ITGA9: variants seen among roughly 807,000 people sequenced by gnomAD.
The protein encoded by ITGA9 is integrin subunit alpha 9.
In ITGA9, 56 loss-of-function variants were observed where a neutral mutation model predicts 127.8. The observed-to-expected ratio is 0.44, with a 90% CI of 0.35 to 0.55. The LOEUF is 0.55. Ranked by LOEUF, ITGA9 falls within the 20% of genes least tolerant of loss-of-function variation. The probability of loss-of-function intolerance (pLI) is 0.00; values close to 1 mark genes in which losing one functional copy is unlikely to be tolerated. For synonymous variants in ITGA9, 508 were observed against 514.5 expected, an observed-to-expected ratio of 0.99 and a Z score of 0.17; for missense variants, 1,196 against 1,347.1, an observed-to-expected ratio of 0.89 and a Z score of 1.76.
At chr3:37,560,997 C>T (rs889472789) in intron 15 of ITGA9, among the ~76,000 whole-genome samples, 3 of 152,042 alleles carry the variant, frequency 2.0e-5, no homozygotes, top group Admixed American at 2.0e-4. Context: ...TTCTGTGTGT[C>T]CACATTTCCT....
At position 37,494,019 on chromosome 3, in the gene ITGA9, C is replaced by T. The variant is rs144549429; in HGVS notation, c.545-482C>T. On this transcript the variant is annotated intron_variant, in intron 4 of 27. Coordinates refer to ENST00000264741, the MANE Select transcript of ITGA9 (RefSeq NM_002207.3). Reference sequence around the variant, plus strand: ...ATGCCAGAGCAGTCCCTTCTTCTTGCGGTCCTCTGTGGACGGCTTGTTTCT... The same window carrying T: ...ATGCCAGAGCAGTCCCTTCTTCTTGTGGTCCTCTGTGGACGGCTTGTTTCT... Among the ~76,000 whole-genome samples, 676 of 152,266 alleles carry T rather than the reference C, an allele frequency of 4.4e-3. 2 individuals carry two copies. The highest frequency in any genetic ancestry group is 0.031 in the Middle Eastern group (9 of 294).
At position 37,799,568 on chromosome 3, in the gene ITGA9, G is replaced by T. The variant is rs1697212149; in HGVS notation, c.2890-4255G>T. On this transcript the variant is annotated intron_variant, in intron 26 of 27. Coordinates refer to ENST00000264741, the MANE Select transcript of ITGA9 (RefSeq NM_002207.3). This position sits in a 1 kb window ranked among gnomAD's most constrained non-coding sequence, Gnocchi z 4.0. ...TATGTGTCCTGGGAGCAGCTGGAAA[G>T]GCAGGAAGGAGACCAGAGTATGAAG... Among the ~76,000 whole-genome samples the T allele has an allele frequency of 6.6e-6, 1 of 152,204 alleles. No homozygotes were observed. Among genetic ancestry groups the T allele is most frequent in the African/African-American group, 2.4e-5 (1 of 41,442 alleles).
At chr3:37,643,596 G>A (rs1358456055) in intron 16 of ITGA9, among the ~76,000 whole-genome samples, 1 of 152,120 alleles carries the variant, frequency 6.6e-6, no homozygotes, top group African/African-American at 2.4e-5. Context: ...CAAGCTTATT[G>A]AGTTTTCTTC....
At chr3:37,722,142 GACACTCT>G (rs754150516) in intron 18 of ITGA9, among the ~76,000 whole-genome samples, 6 of 112,652 alleles carry the variant, frequency 5.3e-5, no homozygotes, top group Non-Finnish European at 1.2e-4. Flanking sequence ...TTCTGCCAGG[GACACTCT>G]TCACTCTCCC....
intron 27 of ITGA9, chr3:37,807,721 T>C (rs1697315305): frequency 6.6e-6 from 1 of 152,206 alleles, no homozygotes; most frequent in Admixed American, 6.6e-5. Flanking sequence ...CACCAGGTGG[T>C]AGAGCAAGAC....
chr3:37,720,648 C>T (rs529027829), intron 18 of ITGA9, among the ~76,000 whole-genome samples: 2 of 152,172 alleles, frequency 1.3e-5, no homozygotes, highest in Non-Finnish European at 2.9e-5. Context: ...ACTTCTTAGG[C>T]TTCAGAAGGG....
chr3:37,772,389 CAG>C (rs745674017), intron 23 of ITGA9, among the ~76,000 whole-genome samples: 2 of 151,524 alleles, frequency 1.3e-5, no homozygotes, highest in Non-Finnish European at 2.9e-5. Flanking sequence ...GCCTGGGTAA[CAG>C]AGCAAGACTC....
intron 15 of ITGA9, among the ~76,000 whole-genome samples, chr3:37,578,796 A>G (rs1699677546): frequency 6.6e-6 from 1 of 151,308 alleles, no homozygotes; most frequent in Admixed American, 6.6e-5. Context: ...CAAGAGGGCT[A>G]CAGGGAAAAC....
chr3:37,626,712 G>C (rs183773363), intron 15 of ITGA9, among the ~76,000 whole-genome samples: 6 of 152,260 alleles, frequency 3.9e-5, no homozygotes, highest in Non-Finnish European at 5.9e-5. Context: ...TAATCTGCCA[G>C]CTCAGGTATT....
At chr3:37,609,452 C>A (rs1559548433) in intron 15 of ITGA9, among the ~76,000 whole-genome samples, 1 of 152,216 alleles carries the variant, frequency 6.6e-6, no homozygotes, top group Non-Finnish European at 1.5e-5. Flanking sequence ...TATTGAATGA[C>A]TGAAGTAGAG....
At chr3:37,808,483 G>A (rs777023326) in intron 27 of ITGA9, 2 of 152,192 alleles carry the variant, frequency 1.3e-5, no homozygotes, top group Non-Finnish European at 2.9e-5. Flanking sequence ...AAAGGAGTTC[G>A]CTCCTGCAGG....
chr3:37,683,212 C>T (rs1473881935), intron 17 of ITGA9, among the ~76,000 whole-genome samples: 2 of 152,192 alleles, frequency 1.3e-5, no homozygotes, highest in Non-Finnish European at 2.9e-5. Flanking sequence ...CAGGCACACG[C>T]CCACCTCAGG....
intron 16 of ITGA9, among the ~76,000 whole-genome samples, chr3:37,636,883 A>G (rs1336258471): frequency 7.2e-5 from 11 of 151,924 alleles, no homozygotes; most frequent in Admixed American, 3.3e-4. Flanking sequence ...CATTTATTAA[A>G]TAGGGAATCC....
chr3:37,547,307 A>G (rs1354301279), intron 15 of ITGA9, among the ~76,000 whole-genome samples: 1 of 152,212 alleles, frequency 6.6e-6, no homozygotes, highest in Non-Finnish European at 1.5e-5. Flanking sequence ...GGAACTTTGA[A>G]ACCTAAGTGG....
At chr3:37,697,382 A>G (rs1158524775) in intron 18 of ITGA9, among the ~76,000 whole-genome samples, 2 of 151,448 alleles carry the variant, frequency 1.3e-5, no homozygotes, top group Admixed American at 1.3e-4. Flanking sequence ...CATGTGCACA[A>G]CGTGCAGGTT....
intron 27 of ITGA9, among the ~76,000 whole-genome samples, chr3:37,811,510 C>A (rs766366533): frequency 4.6e-5 from 7 of 152,222 alleles, no homozygotes; most frequent in Admixed American, 4.6e-4. Context: ...AAGACACCCC[C>A]CTTCCCTTAT....
intron 15 of ITGA9, among the ~76,000 whole-genome samples, chr3:37,614,944 G>A (rs1439119370): frequency 6.6e-6 from 1 of 152,082 alleles, no homozygotes; most frequent in East Asian, 1.9e-4. Flanking sequence ...TTTCCTAATT[G>A]AATACCCTTT....
chr3:37,629,588 G>T lies in ITGA9; in HGVS notation c.1839+252G>T, dbSNP rs111508624. 5.8e-4 allele frequency: 357 copies of T among 614,278 alleles called. 2 individuals carry two copies. The African/African-American group carries it at 5.8e-3, about 10-fold the overall frequency. The allele number at this position is 614,278 out of a possible 1,614,324, so 38.1% of individuals were successfully genotyped here. On this transcript the variant is annotated intron_variant, in intron 16 of 27. Transcript: ENST00000264741. The surrounding 1 kb of genome is among the most constrained non-coding windows in gnomAD (Gnocchi z 4.5). ...GGCTGTTAGAAGTTACAATCCCCTC[G>T]AGTTCGTGAACTGGCTGGCCACTTG...
At chr3:37,549,825 C>A (rs570281902) in intron 15 of ITGA9, among the ~76,000 whole-genome samples, 1 of 152,270 alleles carries the variant, frequency 6.6e-6, no homozygotes, top group African/African-American at 2.4e-5. Context: ...ATTTTGGAAG[C>A]AGCAAGATTT....
Sources: allele counts gnomAD v4.1 joint callset (sites outside exome capture counted in the v4.1 genomes callset), GRCh38; gene constraint gnomAD v4.1.1; non-coding constraint Gnocchi (gnomAD v3.1); transcripts MANE v1.5; gene names NCBI Gene and HGNC (gene_info 2026-07-23, HGNC 2026-07-21).